MYO3B: variants seen among roughly 807,000 people sequenced by gnomAD.
MYO3B encodes the protein myosin-IIIb.
MYO3B carries 156 observed loss-of-function variants against 174.6 expected under a neutral mutation model. The observed-to-expected ratio is 0.89, with a 90% confidence interval of 0.78 to 1.02. The LOEUF is 1.02. Among genes scored for constraint, MYO3B ranks in the 50% least tolerant of loss-of-function variants. MYO3B has a pLI of 0.00. For missense variants in MYO3B, 1,632 were observed against 1,639.4 expected, an observed-to-expected ratio of 1.00 and a Z score of 0.08; for synonymous variants, 563 against 569.1, an observed-to-expected ratio of 0.99 and a Z score of 0.15.
At chr2:170,240,392 A>G (rs1319905059) in intron 7 of MYO3B, among the ~76,000 whole-genome samples, 1 of 152,236 alleles carries the variant, frequency 6.6e-6, no homozygotes, top group Admixed American at 6.5e-5. Flanking sequence ...ACAGAAATGC[A>G]TTTAATCCCC....
chr2:170,328,171 G>A (rs956554283), intron 7 of MYO3B, among the ~76,000 whole-genome samples: 1 of 152,024 alleles, frequency 6.6e-6, no homozygotes, highest in African/African-American at 2.4e-5. Flanking sequence ...CAAAGTGCTA[G>A]GATTACAGGC....
chr2:170,585,376 CA>C (rs35829102), intron 32 of MYO3B, among the ~76,000 whole-genome samples: 13,135 of 151,354 alleles, frequency 0.087, 1,255 homozygotes, highest in African/African-American at 0.24. Context: ...GGGGAGGACC[CA>C]AAAAAAGTAT....
intron 32 of MYO3B, among the ~76,000 whole-genome samples, chr2:170,580,258 T>C (rs540660289): frequency 3.3e-5 from 5 of 152,380 alleles, no homozygotes; most frequent in South Asian, 2.1e-4. Flanking sequence ...TGCAATTTTA[T>C]AACAGTATGA....
chr2:170,362,080 C>A (rs1019142460), intron 8 of MYO3B, among the ~76,000 whole-genome samples: 1 of 152,142 alleles, frequency 6.6e-6, no homozygotes, highest in Non-Finnish European at 1.5e-5. Flanking sequence ...GTCTCTGATC[C>A]TGGGCCTTGT....
chr2:170,600,050 G>A (rs1319933303), intron 32 of MYO3B, among the ~76,000 whole-genome samples: 4 of 151,860 alleles, frequency 2.6e-5, no homozygotes, highest in African/African-American at 9.7e-5. Flanking sequence ...GCTCTGGGAA[G>A]GCACTAATGA....
intron 23 of MYO3B, among the ~76,000 whole-genome samples, chr2:170,452,204 A>G (rs1158637621): frequency 6.6e-6 from 1 of 152,230 alleles, no homozygotes; most frequent in Non-Finnish European, 1.5e-5. Flanking sequence ...AGTAAAAAAA[A>G]AAAGGTTCAG....
intron 25 of MYO3B, among the ~76,000 whole-genome samples, chr2:170,482,126 A>G (rs1185660342): frequency 6.6e-6 from 1 of 151,646 alleles, no homozygotes; most frequent in East Asian, 1.9e-4. Context: ...TGATGGTTTT[A>G]AAAAGGGGAG....
intron 25 of MYO3B, among the ~76,000 whole-genome samples, chr2:170,489,919 T>C (rs1686349161): frequency 1.3e-5 from 2 of 152,156 alleles, no homozygotes; most frequent in African/African-American, 2.4e-5. Context: ...TTTTAGCCAA[T>C]GTTTTGTAGT....
chr2:170,261,288 G>A (rs966803437), intron 7 of MYO3B, among the ~76,000 whole-genome samples: 1 of 152,112 alleles, frequency 6.6e-6, no homozygotes, highest in African/African-American at 2.4e-5. Flanking sequence ...GCCTCCCAAA[G>A]TGCTGGGATT....
intron 32 of MYO3B, among the ~76,000 whole-genome samples, chr2:170,650,657 G>C (rs904420984): frequency 6.7e-6 from 1 of 149,092 alleles, no homozygotes; most frequent in Non-Finnish European, 1.5e-5. Flanking sequence ...TGCTTGGAAG[G>C]GAAATGAATT....
At chr2:170,473,368 G>A (rs1342415943) in intron 25 of MYO3B, among the ~76,000 whole-genome samples, 3 of 151,642 alleles carry the variant, frequency 2.0e-5, no homozygotes, top group Admixed American at 2.0e-4. Context: ...GGATGGTCTC[G>A]ATCTCCTGAC....
chr2:170,644,316 C>G (rs1170018495), intron 32 of MYO3B, among the ~76,000 whole-genome samples: 1 of 150,618 alleles, frequency 6.6e-6, no homozygotes, highest in Non-Finnish European at 1.5e-5. Context: ...GATGAAGTCT[C>G]ACTCTTGTCA....
chr2:170,633,011 G>A (rs886361250), intron 32 of MYO3B, among the ~76,000 whole-genome samples: 6 of 152,190 alleles, frequency 3.9e-5, no homozygotes, highest in African/African-American at 1.4e-4. Context: ...TCCAGGGTCA[G>A]ACAGATTCAC....
chr2:170,180,197 C>T (rs919719438), intron 1 of MYO3B: 7 of 441,232 alleles, frequency 1.6e-5, no homozygotes, highest in Admixed American at 4.7e-5. Context: ...GCTGTACCTC[C>T]GTTAGGGACT....
chr2:170,494,937 A>G (rs898160965), intron 25 of MYO3B, among the ~76,000 whole-genome samples: 1 of 152,000 alleles, frequency 6.6e-6, no homozygotes, highest in Non-Finnish European at 1.5e-5. Flanking sequence ...TCTGGTTCCT[A>G]TTCCCACCTG....
intron 30 of MYO3B, among the ~76,000 whole-genome samples, chr2:170,538,602 G>T (rs1689877074): frequency 6.6e-6 from 1 of 152,182 alleles, no homozygotes; most frequent in Non-Finnish European, 1.5e-5. Flanking sequence ...CTCACACTGG[G>T]ATCCGGATTT....
intron 22 of MYO3B, among the ~76,000 whole-genome samples, chr2:170,428,894 A>G (rs142464925): frequency 2.0e-5 from 3 of 152,362 alleles, no homozygotes; most frequent in African/African-American, 7.2e-5. Context: ...AGTCAGTGGC[A>G]GGTGTGGGAT....
chr2:170,590,075 T>C (rs1693728613), intron 32 of MYO3B, among the ~76,000 whole-genome samples: 1 of 152,202 alleles, frequency 6.6e-6, no homozygotes. Context: ...TAGGTTTGTG[T>C]AAGTACTCTA....
chr2:170,455,992 G>T (rs1683885423), intron 23 of MYO3B, among the ~76,000 whole-genome samples: 1 of 152,146 alleles, frequency 6.6e-6, no homozygotes, highest in African/African-American at 2.4e-5. Context: ...CTCTCTGAAA[G>T]TTTGCTGAAA....
Sources: allele counts gnomAD v4.1 joint callset (sites outside exome capture counted in the v4.1 genomes callset), GRCh38; gene constraint gnomAD v4.1.1; transcripts MANE v1.5; gene names NCBI Gene and HGNC (gene_info 2026-07-23, HGNC 2026-07-21).